Variants in STARD13 observed in about 807,000 individuals in gnomAD.
The protein encoded by STARD13 is StAR related lipid transfer domain containing 13.
A neutral mutation model predicts 106.4 loss-of-function variants in STARD13; 62 were observed. The ratio of observed to expected loss-of-function variants is 0.58; its 90% confidence interval spans 0.48 to 0.72. The LOEUF is 0.72. Ranked by LOEUF, STARD13 falls within the 30% of genes least tolerant of loss-of-function variation. STARD13 has a pLI of 0.00. For missense variants in STARD13, 1,387 were observed against 1,424.0 expected (o/e 0.97, Z 0.42); for synonymous variants, 565 against 553.0 (o/e 1.02, Z -0.31).
the STARD13 span, among the ~76,000 whole-genome samples, chr13:33,643,975 T>C: frequency 3.5e-4 from 53 of 152,352 alleles, no homozygotes; most frequent in African/African-American, 1.3e-3. Flanking sequence ...CTCCAGGTTC[T>C]CCTTTAAAAA....
chr13:33,653,398 G>A, the STARD13 span, among the ~76,000 whole-genome samples: 4 of 152,128 alleles, frequency 2.6e-5, no homozygotes, highest in Non-Finnish European at 5.9e-5. Flanking sequence ...ATTGATTTTT[G>A]ACAAGAATGC....
intron 7 of STARD13, among the ~76,000 whole-genome samples, chr13:33,120,326 C>A (rs1254458280): frequency 6.6e-6 from 1 of 152,198 alleles, no homozygotes; most frequent in Non-Finnish European, 1.5e-5. Context: ...ACACACACAT[C>A]CCAGAGATGC....
At chr13:33,496,293 C>A in the STARD13 span, among the ~76,000 whole-genome samples, 2 of 148,780 alleles carry the variant, frequency 1.3e-5, no homozygotes, top group Non-Finnish European at 3.0e-5. Flanking sequence ...AAACTTTATT[C>A]TTTTATAAAT....
the STARD13 span, among the ~76,000 whole-genome samples, chr13:33,659,220 CTT>C: frequency 5.9e-5 from 2 of 34,148 alleles, no homozygotes; most frequent in Non-Finnish European, 2.0e-4. Context: ...TGGGTTTTTT[CTT>C]TTTTTTTTTT....
intron 1 of STARD13, among the ~76,000 whole-genome samples, chr13:33,186,337 C>T (rs139717647): frequency 6.6e-6 from 1 of 152,344 alleles, no homozygotes; most frequent in East Asian, 1.9e-4. Flanking sequence ...CACTCATTCA[C>T]ATTCTCAACA....
the STARD13 span, among the ~76,000 whole-genome samples, chr13:33,529,910 C>T: frequency 5.9e-5 from 9 of 151,978 alleles, no homozygotes; most frequent in East Asian, 1.9e-4. Flanking sequence ...TGGGGAACCC[C>T]GGATAAGAAA....
chr13:33,555,877 A>G, the STARD13 span, among the ~76,000 whole-genome samples: 1 of 152,268 alleles, frequency 6.6e-6, no homozygotes, highest in Non-Finnish European at 1.5e-5. Flanking sequence ...TTAGTATTAG[A>G]CCCATTTTAT....
chr13:33,528,725 T>C, the STARD13 span, among the ~76,000 whole-genome samples: 1 of 152,160 alleles, frequency 6.6e-6, no homozygotes, highest in East Asian at 1.9e-4. Flanking sequence ...CAGTTTTTCA[T>C]ACTTCCTAGT....
chr13:33,208,447 G>T (rs182221643), intron 1 of STARD13, among the ~76,000 whole-genome samples: 1 of 152,162 alleles, frequency 6.6e-6, no homozygotes, highest in Non-Finnish European at 1.5e-5. Flanking sequence ...CAGGGAACAC[G>T]TGGGGGAAAT....
At chr13:33,308,673 A>G (rs1418656092) in intron 1 of STARD13, among the ~76,000 whole-genome samples, 3 of 151,206 alleles carry the variant, frequency 2.0e-5, no homozygotes, top group Non-Finnish European at 4.4e-5. Context: ...ACAGGTACCC[A>G]CCACCACGTC....
intron 1 of STARD13, among the ~76,000 whole-genome samples, chr13:33,207,129 A>G (rs1887461904): frequency 6.6e-6 from 1 of 152,238 alleles, no homozygotes; most frequent in Non-Finnish European, 1.5e-5. Context: ...TGTGATAAGG[A>G]GAGCTAAAGA....
chr13:33,131,996 C>A (rs1158530603), intron 4 of STARD13, among the ~76,000 whole-genome samples: 1 of 152,158 alleles, frequency 6.6e-6, no homozygotes, highest in Non-Finnish European at 1.5e-5. Flanking sequence ...ACTTTAACTC[C>A]CTTTAACCTT....
intron 1 of STARD13, among the ~76,000 whole-genome samples, chr13:33,320,106 C>G (rs1566137314): frequency 6.6e-6 from 1 of 152,202 alleles, no homozygotes. Context: ...GAAAACAAAG[C>G]AAAGGTGATC....
the STARD13 span, among the ~76,000 whole-genome samples, chr13:33,673,680 C>A: frequency 1.4e-5 from 2 of 146,942 alleles, no homozygotes; most frequent in African/African-American, 5.1e-5. Context: ...TTAGCTGGAA[C>A]TACAGGCACA....
chr13:33,202,374 C>T (rs1044573303), intron 1 of STARD13, among the ~76,000 whole-genome samples: 6 of 152,102 alleles, frequency 3.9e-5, no homozygotes, highest in Non-Finnish European at 7.3e-5. Flanking sequence ...AAAATGGGTA[C>T]CAGGGTTCTG....
the STARD13 span, among the ~76,000 whole-genome samples, chr13:33,612,651 A>G: frequency 6.6e-6 from 1 of 152,150 alleles, no homozygotes; most frequent in Non-Finnish European, 1.5e-5. Context: ...CACCCTGGCC[A>G]TCAGACAGCC....
At chr13:33,138,815 C>CAGAG (rs1566017601) in intron 4 of STARD13, 2 of 467,990 alleles carry the variant, frequency 4.3e-6, no homozygotes, top group African/African-American at 3.9e-5. Flanking sequence ...CTGACTCTTA[C>CAGAG]AGAGGCAGGG....
chr13:33,466,238 T>A, the STARD13 span, among the ~76,000 whole-genome samples: 1 of 152,230 alleles, frequency 6.6e-6, no homozygotes, highest in Non-Finnish European at 1.5e-5. Flanking sequence ...ATGAATGTTT[T>A]AAATCAACTT....
At chr13:33,432,944 C>T in the STARD13 span, among the ~76,000 whole-genome samples, 1 of 152,044 alleles carries the variant, frequency 6.6e-6, no homozygotes, top group African/African-American at 2.4e-5. Context: ...AAACAATATG[C>T]CATAAATAAA....
Sources: gnomAD v4.1 joint callset for allele counts (sites outside exome capture counted in the v4.1 genomes callset) on GRCh38, gnomAD v4.1.1 for gene constraint, MANE v1.5 for transcripts, NCBI Gene and HGNC (gene_info 2026-07-23, HGNC 2026-07-21) for gene names.